Variants in TRIM66 observed in about 807,000 individuals in gnomAD.
TRIM66 encodes the protein tripartite motif containing 66.
A neutral mutation model predicts 148.2 loss-of-function variants in TRIM66; 99 were observed. That is an observed-to-expected ratio of 0.67 (90% CI 0.57 to 0.79). The LOEUF (loss-of-function observed/expected upper bound fraction) is 0.79. Among genes scored for constraint, TRIM66 ranks in the 30% least tolerant of loss-of-function variants. The pLI is 0.00. For synonymous variants in TRIM66, 616 were observed against 635.9 expected (o/e 0.97, Z 0.47); for missense variants, 1,666 against 1,697.9 (o/e 0.98, Z 0.33).
At chr11:8,664,261 T>A (rs929759358) in intron 6 of TRIM66, among the ~76,000 whole-genome samples, 3 of 152,194 alleles carry the variant, frequency 2.0e-5, no homozygotes, top group African/African-American at 7.2e-5. Flanking sequence ...GTTTTACATG[T>A]CAGTTAAAAA....
At chr11:8,647,409 C>T (rs2036961242) in intron 10 of TRIM66, among the ~76,000 whole-genome samples, 1 of 150,266 alleles carries the variant, frequency 6.7e-6, no homozygotes, top group Admixed American at 6.7e-5. Context: ...ACCTCAGTCT[C>T]CTCATCAGTA....
rs1244650763 is a variant in TRIM66 at position 8,621,182 on chromosome 11, G to A, written c.3395C>T (p.Thr1132Ile). 1 of 1,551,738 alleles carries A rather than the reference G, an allele frequency of 6.4e-7. No individual in the cohort carries two copies. The highest frequency in any genetic ancestry group is 8.7e-7 in the Non-Finnish European group (1 of 1,147,000). ...TGGGGGGCCCTTCTTGGCTCCTGGG[G>A]TTCGAGGAATGAGTCTGTGTTCTTC... The part of the protein sequence containing the change: ...SPEEHRLIPR[T>I]PGAKKGPPAP... Residue 1132 changes from threonine (T) to isoleucine (I), a missense_variant, in exon 20 of 25, where the codon ACC becomes ATC. Coordinates refer to ENST00000646038, the MANE Select transcript of TRIM66 (RefSeq NM_001388022.1).
chr11:8,633,408 C>G (rs1244889878), intron 15 of TRIM66, among the ~76,000 whole-genome samples: 1 of 152,146 alleles, frequency 6.6e-6, no homozygotes, highest in Non-Finnish European at 1.5e-5. Context: ...GAGCAAGGAC[C>G]TGTTTTCTCA....
chr11:8,680,520 A>C (rs1367222860), intron 1 of TRIM66: 1 of 152,266 alleles, frequency 6.6e-6, no homozygotes, highest in Non-Finnish European at 1.5e-5. Context: ...GGATAGGGTG[A>C]CAGTGTAGTA....
chr11:8,647,589 CAGGGAA>C (rs1357308769), intron 10 of TRIM66, among the ~76,000 whole-genome samples: 7 of 152,204 alleles, frequency 4.6e-5, no homozygotes, highest in Admixed American at 3.9e-4. Context: ...AGAGAACACA[CAGGGAA>C]AGGGGTGATA....
At chr11:8,659,447 G>A (rs2038095017) in intron 6 of TRIM66, among the ~76,000 whole-genome samples, 1 of 152,202 alleles carries the variant, frequency 6.6e-6, no homozygotes, top group Non-Finnish European at 1.5e-5. Flanking sequence ...GGGGCTAGTG[G>A]TGGTGTGTGA....
rs56293232 is a variant in TRIM66 at position 8,637,321 on chromosome 11, CATATAT to C, written c.2310+1327_2310+1332del. Among the ~76,000 whole-genome samples, 853 of 149,324 alleles carry C rather than the reference CATATAT, an allele frequency of 5.7e-3. 2 individuals carry two copies. Among genetic ancestry groups the C allele is most frequent in the African/African-American group, 0.014 (578 of 40,808 alleles). On this transcript the variant is annotated intron_variant, in intron 15 of 24. Transcript: ENST00000646038. ...TAGATATAGATATAATCATTTAATG[CATATAT>C]ATATATATATATATGCATTATATAT...
intron 15 of TRIM66, among the ~76,000 whole-genome samples, chr11:8,628,636 A>AAAAAAAAGAGAG (rs1555042270): frequency 1.1e-5 from 1 of 93,340 alleles, no homozygotes; most frequent in Non-Finnish European, 2.3e-5. Flanking sequence ...AAAAAAAAAA[A>AAAAAAAAGAGAG]AGAGAGAGAA....
intron 13 of TRIM66, among the ~76,000 whole-genome samples, chr11:8,641,982 T>C (rs931725707): frequency 6.6e-6 from 1 of 152,194 alleles, no homozygotes; most frequent in Non-Finnish European, 1.5e-5. Flanking sequence ...TGCAGAATCA[T>C]GAGCCAATTA....
intron 6 of TRIM66, among the ~76,000 whole-genome samples, chr11:8,658,113 C>T (rs1336638157): frequency 6.6e-6 from 1 of 152,242 alleles, no homozygotes; most frequent in Non-Finnish European, 1.5e-5. Flanking sequence ...CCTCCTTTCT[C>T]TGATGCATCC....
Position 8,613,907 on chromosome 11 carries a change from T to TGGCTCACGCCTG in TRIM66, c.*4036_*4037insCAGGCGTGAGCC, listed in dbSNP as rs2033559233. ...GGAAAAAAAAAGGGATCACAACAAG[T>TGGCTCACGCCTG]TAAAGAATTTCCAGTCAACACTGAG... On this transcript the variant is annotated 3_prime_UTR_variant, in exon 25 of 25. Transcript: ENST00000646038. 1 of 151,898 alleles carries TGGCTCACGCCTG rather than the reference T, an allele frequency of 6.6e-6. No homozygotes were observed. The highest frequency in any genetic ancestry group is 2.4e-5 in the African/African-American group (1 of 41,322). The allele number at this position is 151,898 out of a possible 1,614,324, so 9.4% of individuals were successfully genotyped here.
chr11:8,648,425 T>A lies in TRIM66; in HGVS notation c.716A>T (p.Lys239Ile), dbSNP rs1440423128. Residue 239 changes from lysine (K) to isoleucine (I), a missense_variant, in exon 9 of 25, where the codon AAA becomes ATA. Coordinates refer to ENST00000646038, the MANE Select transcript of TRIM66 (RefSeq NM_001388022.1). ...TCHSCLVVEH[K>I]EHRCRHVEEV... ...AGTCTGTCAGCCCCACCTGTGTTCT[T>A]TGTGTTCCACCACTAGGCAGCTATG... 2 of 1,551,546 alleles carry A rather than the reference T, an allele frequency of 1.3e-6. No individual in the cohort carries two copies. The highest frequency in any genetic ancestry group is 1.7e-6 in the Non-Finnish European group (2 of 1,146,988).
upstream of TRIM66, chr11:8,682,858 G>C: frequency 6.2e-7 from 1 of 1,601,596 alleles, no homozygotes; most frequent in Non-Finnish European, 8.5e-7. Context: ...TGCCGGCGGA[G>C]ACCCCTAAGC....
chr11:8,664,728 C>T (rs1262075501), intron 6 of TRIM66, among the ~76,000 whole-genome samples: 2 of 152,146 alleles, frequency 1.3e-5, no homozygotes, highest in Non-Finnish European at 2.9e-5. Context: ...TCACTTAAGA[C>T]CTCCTCTCCT....
At chr11:8,628,102 G>C (rs1011499310) in intron 15 of TRIM66, among the ~76,000 whole-genome samples, 4 of 152,080 alleles carry the variant, frequency 2.6e-5, no homozygotes, top group Admixed American at 6.6e-5. Context: ...AAAGTGCTGG[G>C]ATTACAGGCA....
intron 15 of TRIM66, among the ~76,000 whole-genome samples, chr11:8,637,750 G>A (rs766431402): frequency 3.9e-5 from 6 of 152,092 alleles, no homozygotes; most frequent in Non-Finnish European, 7.4e-5. Context: ...ACACCTGACA[G>A]AGCTTCAAGT....
chr11:8,648,064 A>G lies in TRIM66; in HGVS notation c.748T>C (p.Leu250=). ...TCCAGAAGCATCCTCTGGTTTTGCA[A>G]AACTTCTTCAACATGTCTGCACCTA... ...EHRCRHVEEV[L]QNQRMLLEGV... is the part of the protein sequence containing the mutation. Residue 250 remains leucine, a synonymous_variant, in exon 10 of 25, where the codon TTG becomes CTG. Transcript: ENST00000646038. 6.4e-7 allele frequency: 1 copy of G among 1,551,718 alleles called. No homozygotes were observed. The highest frequency in any genetic ancestry group is 8.7e-7 in the Non-Finnish European group (1 of 1,146,992).
chr11:8,647,396 T>C (rs562219084), intron 10 of TRIM66, among the ~76,000 whole-genome samples: 13 of 152,060 alleles, frequency 8.5e-5, no homozygotes, highest in Non-Finnish European at 1.3e-4. Context: ...CAAACCTCTA[T>C]GAACCTCAGT....
chr11:8,657,860 A>G (rs1470735111), intron 6 of TRIM66, among the ~76,000 whole-genome samples: 4 of 152,222 alleles, frequency 2.6e-5, no homozygotes, highest in African/African-American at 9.6e-5. Context: ...AGTCACCCCT[A>G]AAGTGACTGC....
Sources: allele counts gnomAD v4.1 joint callset (sites outside exome capture counted in the v4.1 genomes callset), GRCh38; gene constraint gnomAD v4.1.1; transcripts MANE v1.5; gene names NCBI Gene and HGNC (gene_info 2026-07-23, HGNC 2026-07-21).